The following LYRM4 variants were observed in gnomAD, a reference collection of about 807,000 sequenced individuals.
LYRM4 encodes the protein LYR motif containing 4.
Under a neutral mutation model 11.7 loss-of-function variants are expected in LYRM4, and 9 were observed. That is an observed-to-expected ratio of 0.77 (90% CI 0.46 to 1.34). LYRM4 has a LOEUF of 1.34. Among genes scored for constraint, LYRM4 ranks in the 40% most tolerant of loss-of-function variants. LYRM4 has a pLI of 0.00. For missense variants in LYRM4, 133 were observed against 112.5 expected (o/e 1.18, Z -0.82); for synonymous variants, 42 against 40.4 (o/e 1.04, Z -0.15).
intron 1 of LYRM4, among the ~76,000 whole-genome samples, chr6:5,247,136 G>T (rs982893996): frequency 2.0e-5 from 3 of 152,140 alleles, no homozygotes; most frequent in Non-Finnish European, 4.4e-5. Flanking sequence ...CCTGATCAGG[G>T]TCTGCTCTGG....
chr6:5,089,006 G>T, the LYRM4 span: 1 of 152,176 alleles, frequency 6.6e-6, no homozygotes, highest in East Asian at 1.9e-4. Context: ...TTGAACTTTG[G>T]GTTGGAGATA....
chr6:5,145,573 T>C (rs949911706), intron 2 of LYRM4, among the ~76,000 whole-genome samples: 1 of 152,158 alleles, frequency 6.6e-6, no homozygotes, highest in Admixed American at 6.5e-5. Context: ...TAAAAAAGCT[T>C]CATCAGAAGG....
chr6:5,108,991 C>A lies in LYRM4; in HGVS notation c.*432G>T. 1 of 1,001,050 alleles carries A rather than the reference C, an allele frequency of 1.0e-6. No homozygotes were observed. Among genetic ancestry groups the A allele is most frequent in the Non-Finnish European group, 1.2e-6 (1 of 838,306 alleles). The allele number at this position is 1,001,050 out of a possible 1,614,324, so 62.0% of individuals were successfully genotyped here. ...TCAGAGTTGAACCCTCCCTGAGGGC[C>A]CCCAACAGCCCTCTCCAGGCCTTGT... On this transcript the variant is annotated 3_prime_UTR_variant, in exon 3 of 3. Transcript: ENST00000330636.
downstream of LYRM4, chr6:5,103,733 T>G (rs1762575955): frequency 6.6e-6 from 1 of 150,668 alleles, no homozygotes; most frequent in Non-Finnish European, 1.5e-5. Context: ...GCCTCTGGCT[T>G]CAAGCAATTC....
In LYRM4 at chr6:5,229,599, T is replaced by A. The variant is rs1300285593; in HGVS notation, c.87-12861A>T. 2.6e-5 allele frequency among the ~76,000 whole-genome samples: 4 copies of A among 152,236 alleles called. No individual in the cohort carries two copies. In the East Asian group the frequency reaches 7.7e-4, roughly 29 times the overall value. ...CTATCCTCTGACTCAGCCCCCTAAG[T>A]AGGACTGAAGTCCTAATGTAAATGT... On this transcript the variant is annotated intron_variant, in intron 1 of 2. Coordinates refer to ENST00000330636, the MANE Select transcript of LYRM4 (RefSeq NM_020408.6).
intron 2 of LYRM4, among the ~76,000 whole-genome samples, chr6:5,196,213 C>T (rs1156374087): frequency 2.6e-5 from 4 of 152,144 alleles, no homozygotes; most frequent in Admixed American, 6.5e-5. Flanking sequence ...CATCATCTGG[C>T]GCAGATATCA....
chr6:5,184,700 A>G (rs1281357003), intron 2 of LYRM4, among the ~76,000 whole-genome samples: 1 of 152,196 alleles, frequency 6.6e-6, no homozygotes, highest in East Asian at 1.9e-4. Context: ...CTGCACTGTA[A>G]CATCCACTCA....
At position 5,136,948 on chromosome 6, in the gene LYRM4, T is replaced by C. The variant is rs1370190429; in HGVS notation, c.208-27457A>G. The C allele has an allele frequency of 3.3e-5, 18 of 552,014 alleles. No individual in the cohort carries two copies. The Admixed American group carries it at 1.1e-3, about 35-fold the overall frequency. 34.2% of individuals were successfully genotyped at this position (552,014 alleles called of 1,614,324 possible). The stretch of plus-strand genomic sequence containing the variant: ...CATTACCACAATCAATTTTAGAGCA[T>C]TTTCATTACCCCCAAGGAAACACTA... On this transcript the variant is annotated intron_variant, in intron 2 of 2. Coordinates refer to ENST00000330636, the MANE Select transcript of LYRM4 (RefSeq NM_020408.6).
At chr6:5,056,357 C>A in the LYRM4 span, among the ~76,000 whole-genome samples, 14 of 152,220 alleles carry the variant, frequency 9.2e-5, no homozygotes, top group South Asian at 1.7e-3. Flanking sequence ...TGTAGACATT[C>A]TTCTTTGATA....
intron 2 of LYRM4, among the ~76,000 whole-genome samples, chr6:5,137,164 CA>C (rs1404235777): frequency 1.3e-5 from 2 of 152,182 alleles, no homozygotes; most frequent in Non-Finnish European, 2.9e-5. Flanking sequence ...TAGCATGTAT[CA>C]GTACTTGGTT....
the LYRM4 span, among the ~76,000 whole-genome samples, chr6:5,055,155 G>A: frequency 3.3e-5 from 5 of 152,254 alleles, no homozygotes; most frequent in East Asian, 5.8e-4. The surrounding 1 kb of genome is among the most constrained non-coding windows in gnomAD (Gnocchi z 4.5). Context: ...CTATGACCTC[G>A]AAGACCCTGC....
At chr6:5,149,277 G>C (rs755504299) in intron 2 of LYRM4, among the ~76,000 whole-genome samples, 1 of 152,198 alleles carries the variant, frequency 6.6e-6, no homozygotes, top group Admixed American at 6.5e-5. Context: ...TAACAAAGAC[G>C]CACTGCAACA....
intron 2 of LYRM4, among the ~76,000 whole-genome samples, chr6:5,210,212 A>G (rs1761920162): frequency 6.6e-6 from 1 of 152,238 alleles, no homozygotes; most frequent in Admixed American, 6.5e-5. Flanking sequence ...GCATAGAGTA[A>G]TTCAGTCTAA....
At chr6:5,075,437 G>A in the LYRM4 span, among the ~76,000 whole-genome samples, 2 of 152,172 alleles carry the variant, frequency 1.3e-5, no homozygotes, top group South Asian at 2.1e-4. Flanking sequence ...TATGGTCAGT[G>A]TCAGATTATG....
At chr6:5,249,496 G>A (rs1764337399) in intron 1 of LYRM4, among the ~76,000 whole-genome samples, 1 of 152,128 alleles carries the variant, frequency 6.6e-6, no homozygotes, top group Non-Finnish European at 1.5e-5. Context: ...GATCATTTCT[G>A]CGATCTATTT....
At chr6:5,047,366 AC>A in the LYRM4 span, among the ~76,000 whole-genome samples, 3 of 152,170 alleles carry the variant, frequency 2.0e-5, no homozygotes, top group East Asian at 3.8e-4. Flanking sequence ...ATGGTTGGTC[AC>A]CCTACTTTTA....
chr6:5,253,469 C>T (rs763320106), intron 1 of LYRM4, among the ~76,000 whole-genome samples: 6 of 151,346 alleles, frequency 4.0e-5, no homozygotes, highest in Non-Finnish European at 7.4e-5. Context: ...GTTTATTTTA[C>T]ACTATGGAAA....
At chr6:5,227,774 A>G (rs1207103031) in intron 1 of LYRM4, among the ~76,000 whole-genome samples, 1 of 152,246 alleles carries the variant, frequency 6.6e-6, no homozygotes, top group Non-Finnish European at 1.5e-5. Flanking sequence ...AAAATGTGGC[A>G]CATTTACACC....
the LYRM4 span, chr6:5,054,252 G>A: frequency 8.6e-6 from 2 of 231,822 alleles, no homozygotes; most frequent in Non-Finnish European, 1.4e-5. Context: ...TTCCACATAT[G>A]TTCCTGATTA....
Sources: allele counts gnomAD v4.1 joint callset (sites outside exome capture counted in the v4.1 genomes callset), GRCh38; gene constraint gnomAD v4.1.1; non-coding constraint Gnocchi (gnomAD v3.1); transcripts MANE v1.5; gene names NCBI Gene and HGNC (gene_info 2026-07-23, HGNC 2026-07-21).